PLEKHS1: variants seen among roughly 807,000 people sequenced by gnomAD.
PLEKHS1 encodes pleckstrin homology domain-containing family S member 1.
PLEKHS1 carries 55 observed loss-of-function variants against 51.0 expected under a neutral mutation model. The ratio of observed to expected loss-of-function variants is 1.08; its 90% CI spans 0.87 to 1.35. The LOEUF is 1.35. Ranked by LOEUF, PLEKHS1 falls within the 40% of genes most tolerant of loss-of-function variation. PLEKHS1 has a pLI of 0.00. For synonymous variants in PLEKHS1, 153 were observed against 144.8 expected (o/e 1.06, Z -0.41); for missense variants, 398 against 423.0 (o/e 0.94, Z 0.52).
At chr10:113,775,181 AT>A (rs1844593111) in intron 10 of PLEKHS1, 146 bp downstream of exon 10, 4 of 721,778 alleles carry the variant, frequency 5.5e-6, no homozygotes, top group Non-Finnish European at 8.9e-6. Flanking sequence ...TCTCCCTGTC[AT>A]TGATGTTGTG....
At chr10:113,760,702 T>C (rs187503449) in intron 2 of PLEKHS1, among the ~76,000 whole-genome samples, 2 of 152,344 alleles carry the variant, frequency 1.3e-5, no homozygotes, top group East Asian at 3.9e-4. Context: ...TTATATATTC[T>C]GGATAGTAGG....
chr10:113,757,274 T>C (rs1854165040), intron 2 of PLEKHS1, among the ~76,000 whole-genome samples: 1 of 152,336 alleles, frequency 6.6e-6, no homozygotes, highest in Middle Eastern at 3.4e-3. Flanking sequence ...CAATAAGCTA[T>C]TATATATCTA....
intron 7 of PLEKHS1, among the ~76,000 whole-genome samples, chr10:113,771,674 CAAAAAAAAA>C (rs11383972): frequency 1.3e-5 from 1 of 74,612 alleles, no homozygotes; most frequent in South Asian, 5.3e-4. Context: ...GACTCTGTCT[CAAAAAAAAA>C]AAAAAAAAAA....
chr10:113,768,289 G>C (rs990374603), intron 5 of PLEKHS1, among the ~76,000 whole-genome samples: 1 of 152,110 alleles, frequency 6.6e-6, no homozygotes, highest in Non-Finnish European at 1.5e-5. Flanking sequence ...AGGCAAAGCG[G>C]GTGTGGGAGA....
intron 1 of PLEKHS1, among the ~76,000 whole-genome samples, chr10:113,753,534 G>A (rs965241108): frequency 9.2e-5 from 14 of 152,240 alleles, no homozygotes; most frequent in African/African-American, 2.4e-4. Context: ...TACAGCAGGC[G>A]AGGGCTAAGG....
At chr10:113,777,240 C>G (rs185070893) in intron 11 of PLEKHS1, 12 of 1,612,694 alleles carry the variant, frequency 7.4e-6, no homozygotes, top group Non-Finnish European at 1.0e-5. Flanking sequence ...CTGTTTCTTA[C>G]CCGGTCCATC....
At chr10:113,768,622 G>A (rs1333030199) in intron 5 of PLEKHS1, among the ~76,000 whole-genome samples, 193 bp from the exon 6 acceptor site, 1 of 152,174 alleles carries the variant, frequency 6.6e-6, no homozygotes, top group Non-Finnish European at 1.5e-5. Flanking sequence ...AGCTTTCCTT[G>A]CAGAGGTGGC....
At position 113,768,759 on chromosome 10, in the gene PLEKHS1, G is replaced by A. The variant is rs117565966; in HGVS notation, c.360-56G>A. On this transcript the variant is annotated intron_variant, in intron 5 of 11. Coordinates refer to ENST00000361048, the Ensembl canonical transcript of PLEKHS1. ...ACATTCATAAAAGAATCCTTCTCTG[G>A]TTCAAAAGGCACTATTGTTGCCACA... 168 of 1,376,816 alleles carry A rather than the reference G, an allele frequency of 1.2e-4. 1 individual carries two copies. In the East Asian group the frequency reaches 3.2e-3, roughly 26 times the overall value. The allele number at this position is 1,376,816 out of a possible 1,614,324, so 85.3% of individuals were successfully genotyped here.
chr10:113,760,677 C>T (rs7087432), intron 2 of PLEKHS1, among the ~76,000 whole-genome samples: 27,927 of 152,016 alleles, frequency 0.18, 2,660 homozygotes, highest in South Asian at 0.28. Flanking sequence ...TTTTGTGTTG[C>T]ATTGTAAGAG....
intron 2 of PLEKHS1, among the ~76,000 whole-genome samples, chr10:113,764,472 C>CT (rs1276101659): frequency 1.3e-5 from 2 of 151,968 alleles, no homozygotes; most frequent in East Asian, 1.9e-4. Context: ...TGTTTCTTGT[C>CT]TTTTTTCTGT....
intron 2 of PLEKHS1, among the ~76,000 whole-genome samples, chr10:113,765,568 CAGAAGTGATT>C (rs1371077555): frequency 6.6e-6 from 1 of 152,166 alleles, no homozygotes; most frequent in Non-Finnish European, 1.5e-5. Context: ...AACGGGGTGG[CAGAAGTGATT>C]AAATAAAGAA....
At position 113,762,249 on chromosome 10, in the gene PLEKHS1, T is replaced by C. The variant is rs984779380; in HGVS notation, c.29-4162T>C. 4.7e-4 allele frequency among the ~76,000 whole-genome samples: 72 copies of C among 151,976 alleles called. 1 individual carries two copies. Among genetic ancestry groups the C allele is most frequent in the Non-Finnish European group, 1.9e-4 (13 of 67,868 alleles). On this transcript the variant is annotated intron_variant, in intron 2 of 11. Transcript: ENST00000361048. ...GTAGAGGTTTGTTAACTTAATCTTT[T>C]TAATGGATTAACTTTGGTTTCATTG... is the stretch of plus-strand genomic sequence containing the variant.
rs966764781 is a variant in PLEKHS1 at position 113,766,618 on chromosome 10, T to C, written c.124T>C (p.Trp42Arg). ...AAATCTTTTTATTTTTCAGACCTCTTGGAAAAAGCGGTTTTTCATCCTGTC... is the reference window on the plus strand; with the variant it reads ...AAATCTTTTTATTTTTCAGACCTCTCGGAAAAAGCGGTTTTTCATCCTGTC... The change falls in exon 4 of 12, where the codon TGG (tryptophan) becomes CGG (arginine). Residue 42 changes from tryptophan to arginine, a missense_variant. Trp to Arg is a moderately radical substitution (Grantham distance 101). Transcript: ENST00000361048. The C allele has an allele frequency of 3.1e-6, 5 of 1,607,008 alleles. No individual in the cohort carries two copies. The African/African-American group carries it at 5.4e-5, about 17-fold the overall frequency.
intron 5 of PLEKHS1, among the ~76,000 whole-genome samples, chr10:113,768,338 A>G (rs1844253234): frequency 6.6e-6 from 1 of 152,158 alleles, no homozygotes. Flanking sequence ...AAGCCAACAT[A>G]TGAAAAACCC....
At chr10:113,774,311 C>A in exon 9 of PLEKHS1, 1 of 1,580,372 alleles carries the variant, frequency 6.3e-7, no homozygotes, top group South Asian at 1.2e-5. Flanking sequence ...AATTGAGTGT[C>A]ATTATGAGCC....
At chr10:113,759,596 G>C (rs1201229376) in intron 2 of PLEKHS1, among the ~76,000 whole-genome samples, 3 of 152,008 alleles carry the variant, frequency 2.0e-5, no homozygotes, top group African/African-American at 7.2e-5. Context: ...CCCTGGTATT[G>C]AGTGCACCAA....
At chr10:113,765,086 T>C (rs1362808351) in intron 2 of PLEKHS1, 5 of 328,822 alleles carry the variant, frequency 1.5e-5, no homozygotes, top group Admixed American at 4.5e-5. Context: ...TTGATCATGT[T>C]TTCCTTCCTC....
At chr10:113,769,993 C>T in intron 7 of PLEKHS1, 93 bp downstream of exon 7, 1 of 894,368 alleles carries the variant, frequency 1.1e-6, no homozygotes, top group Non-Finnish European at 1.9e-6. Flanking sequence ...TTAACCATGC[C>T]CACCTTCCTC....
chr10:113,780,879 C>T, exon 12 of PLEKHS1: 4 of 1,141,664 alleles, frequency 3.5e-6, no homozygotes, highest in East Asian at 5.2e-5. Context: ...TCGGCACCCC[C>T]CTCTGAATTT....
Sources: gnomAD v4.1 joint callset for allele counts (sites outside exome capture counted in the v4.1 genomes callset) on GRCh38, gnomAD v4.1.1 for gene constraint, MANE v1.5 for transcripts, NCBI Gene and HGNC (gene_info 2026-07-23, HGNC 2026-07-21) for gene names.